The following ROCK1 variants were observed in gnomAD, a reference collection of about 807,000 sequenced individuals.
The protein encoded by ROCK1 is Rho associated coiled-coil containing protein kinase 1.
Under a neutral mutation model 196.8 loss-of-function variants are expected in ROCK1, and 36 were observed. That is an observed-to-expected ratio of 0.18 (90% CI 0.14 to 0.24). The LOEUF (loss-of-function observed/expected upper bound fraction) is 0.24. Ranked by LOEUF, ROCK1 falls within the 10% of genes least tolerant of loss-of-function variation. The pLI is 1.00. For missense variants in ROCK1, 920 were observed against 1,562.0 expected (o/e 0.59, Z 6.93); for synonymous variants, 443 against 515.9 (o/e 0.86, Z 1.91).
intron 1 of ROCK1, among the ~76,000 whole-genome samples, chr18:21,077,959 T>C (rs540653841): frequency 3.4e-4 from 52 of 152,308 alleles, no homozygotes; most frequent in African/African-American, 1.0e-3. Flanking sequence ...CAGTAAGGAA[T>C]AGTCTTTGCA....
At chr18:21,069,979 T>G (rs1169303418) in intron 2 of ROCK1, among the ~76,000 whole-genome samples, 1 of 151,934 alleles carries the variant, frequency 6.6e-6, no homozygotes, top group Non-Finnish European at 1.5e-5. Context: ...ACAAAACCTT[T>G]GTAATAAAAC....
chr18:21,072,966 CG>C (rs34251484), intron 1 of ROCK1, among the ~76,000 whole-genome samples: 1 of 148,096 alleles, frequency 6.8e-6, no homozygotes, highest in African/African-American at 2.5e-5. Context: ...CCCAGCTACT[CG>C]GGAGGTTGAG....
At chr18:21,029,002 A>G (rs1364444649) in intron 9 of ROCK1, 67 bp from the exon 10 acceptor site, 5 of 1,454,578 alleles carry the variant, frequency 3.4e-6, no homozygotes, top group Non-Finnish European at 4.7e-6. Flanking sequence ...AGCACATTCC[A>G]TACCAACTAC....
intron 12 of ROCK1, among the ~76,000 whole-genome samples, chr18:21,016,035 A>G (rs993913255): frequency 1.3e-5 from 2 of 151,992 alleles, no homozygotes; most frequent in Admixed American, 1.3e-4. Context: ...TTAAAAAAAT[A>G]TGTGTAATTC....
rs72879423 is a variant in ROCK1 at position 21,043,726 on chromosome 18, A to C, written c.675+376T>G. Among the ~76,000 whole-genome samples the C allele has an allele frequency of 8.7e-3, 1,324 of 151,688 alleles. 11 individuals carry two copies. The highest frequency in any genetic ancestry group is 0.014 in the Non-Finnish European group (917 of 67,866). ...TATATGTTAACTGAAGTAAAACACT[A>C]AAAAATACACACATTACTGGAATCC... On this transcript the variant is annotated intron_variant, in intron 6 of 32. Transcript: ENST00000399799.
At chr18:20,985,338 A>G (rs1433237100) in intron 19 of ROCK1, among the ~76,000 whole-genome samples, 1 of 152,180 alleles carries the variant, frequency 6.6e-6, no homozygotes, top group African/African-American at 2.4e-5. Flanking sequence ...ATCATTGGCC[A>G]TTCTCTACAA....
At position 21,006,470 on chromosome 18, in the gene ROCK1, T is replaced by C. The variant is rs763850194; in HGVS notation, c.1766A>G (p.Asn589Ser). Residue 589 changes from asparagine to serine, a missense_variant, in exon 16 of 33, where the codon AAT becomes AGT. This residue lies in a region of ROCK1 where 520 missense variants were observed against 657.1 expected (regional missense o/e 0.79). Transcript: ENST00000399799. ...TGACTTAGAATTCTCTAAAATTCGA[T>C]TTCTCTCTTGCAACTCTCTGTTCAG... ...ESLNRELQER[N>S]RILENSKSQT... The C allele has an allele frequency of 8.7e-6, 14 of 1,613,884 alleles. 1 individual carries two copies. The highest frequency in any genetic ancestry group is 2.2e-5 in the South Asian group (2 of 91,086).
Position 20,951,285 on chromosome 18 carries a change from T to C in ROCK1, c.*99A>G, listed in dbSNP as rs2035184565. On this transcript the variant is annotated 3_prime_UTR_variant, in exon 33 of 33. Transcript: ENST00000399799. ...AATCTTAACCCTGAAGCCTGTGATATTTGTGTCAAAGAAACAGCCTGTCTG... is the reference window on the plus strand; with the variant it reads ...AATCTTAACCCTGAAGCCTGTGATACTTGTGTCAAAGAAACAGCCTGTCTG... 1.9e-6 allele frequency: 2 copies of C among 1,077,726 alleles called. No homozygotes were observed. Among genetic ancestry groups the C allele is most frequent in the African/African-American group, 1.6e-5 (1 of 63,412 alleles). The allele number at this position is 1,077,726 out of a possible 1,614,324, so 66.8% of individuals were successfully genotyped here.
intron 6 of ROCK1, among the ~76,000 whole-genome samples, 156 bp from the exon 7 acceptor site, chr18:21,042,865 G>A (rs1484355150): frequency 6.6e-6 from 1 of 151,766 alleles, no homozygotes; most frequent in Admixed American, 6.6e-5. Context: ...AATTAACACA[G>A]CTTAATCATA....
intron 19 of ROCK1, among the ~76,000 whole-genome samples, chr18:20,986,079 C>T (rs1038218862): frequency 2.0e-5 from 3 of 152,082 alleles, no homozygotes; most frequent in African/African-American, 7.2e-5. Flanking sequence ...TTTCAAACTC[C>T]TGAGCTTAAG....
chr18:21,091,397 G>A (rs1162546751), intron 1 of ROCK1, among the ~76,000 whole-genome samples: 1 of 152,124 alleles, frequency 6.6e-6, no homozygotes, highest in Non-Finnish European at 1.5e-5. Flanking sequence ...GAGGTCAGGA[G>A]TTCAAGACCA....
At chr18:21,024,397 AT>A (rs1227883273) in intron 10 of ROCK1, among the ~76,000 whole-genome samples, 2 of 152,168 alleles carry the variant, frequency 1.3e-5, no homozygotes, top group African/African-American at 2.4e-5. Flanking sequence ...TATGTAAACA[AT>A]TTTTTAAGCT....
chr18:20,980,150 C>A, intron 21 of ROCK1, 146 bp from the exon 22 acceptor site: 1 of 1,008,478 alleles, frequency 9.9e-7, no homozygotes, highest in Non-Finnish European at 1.3e-6. Flanking sequence ...TATATGTCAA[C>A]ACCTAGTCTT....
At chr18:21,110,719 T>C in intron 1 of ROCK1, 99 bp downstream of exon 1, 4 of 909,756 alleles carry the variant, frequency 4.4e-6, no homozygotes, top group South Asian at 1.4e-5. Context: ...TCCAAGACGA[T>C]TATGCACACC....
intron 9 of ROCK1, among the ~76,000 whole-genome samples, chr18:21,037,043 G>A (rs1199454582): frequency 6.6e-6 from 1 of 152,136 alleles, no homozygotes; most frequent in Non-Finnish European, 1.5e-5. Flanking sequence ...AGGCTTTGGA[G>A]TTAAGAGACT....
chr18:21,050,064 A>T lies in ROCK1; in HGVS notation c.176-184T>A, dbSNP rs189749767. 1.1e-4 allele frequency among the ~76,000 whole-genome samples: 17 copies of T among 152,338 alleles called. No individual in the cohort carries two copies. In the East Asian group the frequency reaches 3.3e-3, roughly 29 times the overall value. On this transcript the variant is annotated intron_variant, in intron 2 of 32. Coordinates refer to ENST00000399799, the MANE Select transcript of ROCK1 (RefSeq NM_005406.3). ...AATGTTCAATTTGCTAAGATTTTTT[A>T]AAGTAAATTCCAGAATAACTTCATT...
intron 8 of ROCK1, among the ~76,000 whole-genome samples, chr18:21,041,523 C>T (rs114963753): frequency 0.028 from 4,316 of 151,964 alleles, 228 homozygotes; most frequent in African/African-American, 0.096. Context: ...TTCAAAAATG[C>T]AGACAGACAT....
chr18:21,068,667 A>G (rs533367037), intron 2 of ROCK1, among the ~76,000 whole-genome samples: 1 of 152,314 alleles, frequency 6.6e-6, no homozygotes, highest in South Asian at 2.1e-4. Context: ...TTCAGTAAAC[A>G]GGTTTACACA....
chr18:20,983,647 A>G (rs2035552941), intron 20 of ROCK1, among the ~76,000 whole-genome samples: 1 of 152,152 alleles, frequency 6.6e-6, no homozygotes, highest in African/African-American at 2.4e-5. Flanking sequence ...CTGAATGCTG[A>G]GCGAGAGTAT....
Sources: allele counts gnomAD v4.1 joint callset (sites outside exome capture counted in the v4.1 genomes callset), GRCh38; gene constraint gnomAD v4.1.1; regional missense constraint gnomAD v4.1.1; transcripts MANE v1.5; gene names NCBI Gene and HGNC (gene_info 2026-07-23, HGNC 2026-07-21).